The following EIF4G3 variants were observed in gnomAD, a reference collection of about 807,000 sequenced individuals.
EIF4G3 encodes eIF-4-gamma 3.
In EIF4G3, 34 loss-of-function variants were observed where a neutral mutation model predicts 186.4. The ratio of observed to expected loss-of-function variants is 0.18; its 90% CI spans 0.14 to 0.24. EIF4G3 has a LOEUF of 0.24. Among genes scored for constraint, EIF4G3 ranks in the 10% least tolerant of loss-of-function variants. The pLI, the probability that EIF4G3 is intolerant of heterozygous loss-of-function variation, is 1.00. For missense variants in EIF4G3, 1,536 were observed against 1,948.5 expected (o/e 0.79, Z 3.99); for synonymous variants, 673 against 679.5 (o/e 0.99, Z 0.15).
intron 2 of EIF4G3, among the ~76,000 whole-genome samples, chr1:21,167,072 T>C (rs756730633): frequency 5.3e-5 from 8 of 152,146 alleles, no homozygotes; most frequent in Non-Finnish European, 1.0e-4. Flanking sequence ...CATGAGTCAC[T>C]GCACCTGGCC....
chr1:21,021,791 G>A (rs191735223), intron 4 of EIF4G3, among the ~76,000 whole-genome samples: 1 of 151,986 alleles, frequency 6.6e-6, no homozygotes, highest in Non-Finnish European at 1.5e-5. Context: ...CCTGAACTCA[G>A]GTGATCCACT....
chr1:21,007,450 C>CT (rs2085424443), intron 4 of EIF4G3, among the ~76,000 whole-genome samples: 1 of 134,386 alleles, frequency 7.4e-6, no homozygotes, highest in Non-Finnish European at 1.6e-5. Context: ...ATGCTTATCC[C>CT]TTTGATTCTA....
At chr1:21,158,683 G>A (rs551913633) in intron 2 of EIF4G3, among the ~76,000 whole-genome samples, 4 of 152,160 alleles carry the variant, frequency 2.6e-5, no homozygotes, top group African/African-American at 9.6e-5. Flanking sequence ...AGCTGAGGCA[G>A]TAGAATTACC....
intron 3 of EIF4G3, chr1:21,073,524 T>A (rs1173083762): frequency 2.9e-6 from 1 of 350,566 alleles, no homozygotes; most frequent in African/African-American, 2.1e-5. Flanking sequence ...TCTTCATCCA[T>A]GAACAGCTGA....
At chr1:21,051,079 G>T in intron 3 of EIF4G3, 85 bp from the exon 4 acceptor site, 1 of 687,602 alleles carries the variant, frequency 1.5e-6, no homozygotes, top group South Asian at 1.6e-5. Flanking sequence ...ATTTTTAATT[G>T]GATTTCCTAC....
chr1:20,937,276 T>A (rs538142433), intron 14 of EIF4G3, among the ~76,000 whole-genome samples: 2 of 152,340 alleles, frequency 1.3e-5, no homozygotes, highest in Admixed American at 1.3e-4. Context: ...GCTGTTACCC[T>A]GAAAATTAGT....
At chr1:21,072,167 A>G (rs775864558) in intron 3 of EIF4G3, among the ~76,000 whole-genome samples, 16 of 152,144 alleles carry the variant, frequency 1.1e-4, no homozygotes, top group Non-Finnish European at 2.1e-4. Flanking sequence ...TTACTTTTCT[A>G]AGGTAATAAA....
chr1:20,902,797 C>T (rs1250523979), intron 15 of EIF4G3, among the ~76,000 whole-genome samples: 3 of 152,134 alleles, frequency 2.0e-5, no homozygotes, highest in Admixed American at 6.5e-5. Flanking sequence ...CGCGCCACCA[C>T]GGCCAGCTAC....
chr1:21,007,145 C>G (rs539498199), intron 4 of EIF4G3, among the ~76,000 whole-genome samples: 1 of 152,208 alleles, frequency 6.6e-6, no homozygotes, highest in Non-Finnish European at 1.5e-5. Context: ...CGCCTGTAAT[C>G]CCAGCACTTT....
intron 14 of EIF4G3, among the ~76,000 whole-genome samples, chr1:20,936,044 GT>G (rs2095507963): frequency 6.6e-6 from 1 of 152,186 alleles, no homozygotes; most frequent in South Asian, 2.1e-4. Context: ...ATGAACTACT[GT>G]AAAAAATGGG....
chr1:20,811,327 G>T (rs1052100319), intron 35 of EIF4G3, among the ~76,000 whole-genome samples: 1 of 151,640 alleles, frequency 6.6e-6, no homozygotes, highest in Non-Finnish European at 1.5e-5. Context: ...TGCCCAAGCT[G>T]GTCTTGAACT....
At chr1:21,148,753 G>T (rs184007924) in intron 2 of EIF4G3, among the ~76,000 whole-genome samples, 14 of 148,354 alleles carry the variant, frequency 9.4e-5, no homozygotes, top group Non-Finnish European at 1.5e-5. Context: ...CCTGCAACTC[G>T]AGAGGCTGAG....
chr1:21,015,086 G>T lies in EIF4G3; in HGVS notation c.-66-12278C>A, dbSNP rs188527091. Reference sequence around the variant, plus strand: ...AGAAATAGTTTAAAAAAAAAAGGAGGGGGGGAAGAAAAGAAACAAATTCTG... The same window carrying T: ...AGAAATAGTTTAAAAAAAAAAGGAGTGGGGGAAGAAAAGAAACAAATTCTG... On this transcript the variant is annotated intron_variant, in intron 4 of 36. Transcript: ENST00000602326. 5.3e-5 allele frequency among the ~76,000 whole-genome samples: 8 copies of T among 150,508 alleles called. No homozygotes were observed. In the East Asian group the frequency reaches 1.6e-3, roughly 29 times the overall value.
At chr1:20,972,967 A>G (rs1405171562) in intron 11 of EIF4G3, 35 bp downstream of exon 11, 16 of 1,513,572 alleles carry the variant, frequency 1.1e-5, no homozygotes, top group African/African-American at 2.9e-5. Context: ...TAGATTTTAG[A>G]TTTAAAATAA....
At chr1:20,996,110 G>A (rs531893987) in intron 7 of EIF4G3, among the ~76,000 whole-genome samples, 3 of 152,104 alleles carry the variant, frequency 2.0e-5, no homozygotes, top group African/African-American at 7.2e-5. Context: ...TTTATTATTA[G>A]TAGTAGTAAT....
chr1:20,821,815 T>A (rs1413590591), intron 33 of EIF4G3, among the ~76,000 whole-genome samples: 1 of 151,172 alleles, frequency 6.6e-6, no homozygotes, highest in South Asian at 2.1e-4. Context: ...TTCCCTATTA[T>A]GTATACATCA....
At chr1:20,987,767 T>C (rs1462106032) in intron 7 of EIF4G3, among the ~76,000 whole-genome samples, 4 of 152,200 alleles carry the variant, frequency 2.6e-5, no homozygotes, top group Non-Finnish European at 5.9e-5. Context: ...TAGGCCATTA[T>C]ATGGAAATTA....
In EIF4G3 at chr1:21,050,862, T is replaced by C; in HGVS notation, c.-67+4A>G. 1 of 694,066 alleles carries C rather than the reference T, an allele frequency of 1.4e-6. No homozygotes were observed. Among genetic ancestry groups the C allele is most frequent in the South Asian group, 1.6e-5 (1 of 62,534 alleles). The allele number at this position is 694,066 out of a possible 1,614,324, so 43.0% of individuals were successfully genotyped here. A position where few individuals can be genotyped will look rare whatever the true frequency, so the allele number is the denominator to read the frequency against. ...CTTATTTTTTTAAAAAAGGTTTATC[T>C]TACTTGAGAGAGTCCAGGGGACGAT... On this transcript the variant is annotated splice_donor_region_variant and intron_variant, in intron 4 of 36. Transcript: ENST00000602326.
Position 20,807,256 on chromosome 1 carries a change from C to T in EIF4G3, c.*63G>A, listed in dbSNP as rs1228918607. 7.4e-6 allele frequency: 11 copies of T among 1,490,826 alleles called. No individual in the cohort carries two copies. Among genetic ancestry groups the T allele is most frequent in the East Asian group, 2.3e-5 (1 of 43,170 alleles). 92.3% of individuals were successfully genotyped at this position (1,490,826 alleles called of 1,614,324 possible). On this transcript the variant is annotated 3_prime_UTR_variant, in exon 37 of 37. Transcript: ENST00000602326. ...CTTGCTGCACTGTGATTGGCGAAGA[C>T]GTGAAACTTTTTAAAAAAATACTTA...
Sources: gnomAD v4.1 joint callset for allele counts (sites outside exome capture counted in the v4.1 genomes callset) on GRCh38, gnomAD v4.1.1 for gene constraint, MANE v1.5 for transcripts, NCBI Gene and HGNC (gene_info 2026-07-23, HGNC 2026-07-21) for gene names.